The following CPLX3 variants were observed in gnomAD, a reference collection of about 807,000 sequenced individuals.
CPLX3 encodes the protein complexin-3.
Under a neutral mutation model 17.2 loss-of-function variants are expected in CPLX3, and 12 were observed. That is an observed-to-expected ratio of 0.70 (90% CI 0.45 to 1.13). The LOEUF is 1.13. Ranked by LOEUF, CPLX3 falls within the 50% of genes most tolerant of loss-of-function variation. The probability of loss-of-function intolerance (pLI) is 0.00; values close to 1 mark genes in which losing one functional copy is unlikely to be tolerated. For missense variants in CPLX3, 172 were observed against 203.2 expected, an observed-to-expected ratio of 0.85 and a Z score of 0.93; for synonymous variants, 75 against 79.4, an observed-to-expected ratio of 0.94 and a Z score of 0.29.
intron 2 of CPLX3, 117 bp from the exon 3 acceptor site, chr15:74,830,013 A>G: frequency 1.4e-6 from 1 of 725,080 alleles, no homozygotes; most frequent in Non-Finnish European, 2.3e-6. Context: ...AAAAAAAAAA[A>G]GAAAAAATAG....
chr15:74,826,681 CGGT>C lies in CPLX3; in HGVS notation c.-21_-19del, dbSNP rs1567226556. The C allele has an allele frequency of 1.9e-6, 3 of 1,596,400 alleles. No individual in the cohort carries two copies. On this transcript the variant is annotated 5_prime_UTR_variant, in exon 1 of 3. Coordinates refer to ENST00000395018, the MANE Select transcript of CPLX3 (RefSeq NM_001030005.3). The surrounding 1 kb of genome is among the most constrained non-coding windows in gnomAD (Gnocchi z 5.0). ...TGCCTGGCGCGTGGTAGCAGGCGCC[CGGT>C]GCCCCGGCCGGCGAAGACCATGGCG...
intron 1 of CPLX3, among the ~76,000 whole-genome samples, chr15:74,827,701 C>T (rs2063949970): frequency 6.6e-6 from 1 of 152,170 alleles, no homozygotes; most frequent in Admixed American, 6.5e-5. Flanking sequence ...CCAAGTTTGG[C>T]CTGAATACTT....
intron 2 of CPLX3, 49 bp from the exon 3 acceptor site, chr15:74,830,081 C>T (rs1254293713): frequency 1.2e-5 from 18 of 1,474,500 alleles, no homozygotes; most frequent in Non-Finnish European, 1.6e-5. Context: ...ACTCTGGGTC[C>T]TCACAGACTT....
At position 74,828,027 on chromosome 15, in the gene CPLX3, C is replaced by T; in HGVS notation, c.165-7C>T. On this transcript the variant is annotated splice_region_variant and splice_polypyrimidine_tract_variant and intron_variant, in intron 1 of 2. Transcript: ENST00000395018. ...TCGTGGTGACTCTGCCTCCGGTGAC[C>T]CTGCAGGATGGAGCGGGATGCACAG... 3.1e-6 allele frequency: 5 copies of T among 1,601,288 alleles called. No individual in the cohort carries two copies. Among genetic ancestry groups the T allele is most frequent in the Non-Finnish European group, 4.3e-6 (5 of 1,173,426 alleles).
At chr15:74,829,937 A>G (rs1260998692) in intron 2 of CPLX3, among the ~76,000 whole-genome samples, 193 bp from the exon 3 acceptor site, 2 of 151,438 alleles carry the variant, frequency 1.3e-5, no homozygotes, top group Non-Finnish European at 2.9e-5. Flanking sequence ...CAAGGTGGGC[A>G]TATCACTTGA....
chr15:74,826,975 C>T lies in CPLX3; in HGVS notation c.164+108C>T. The stretch of plus-strand genomic sequence containing the variant: ...GTCCCAATCCCTTCTCCCCTACTTT[C>T]CTAGACACGGTAAGAGACCGGGAGG... On this transcript the variant is annotated intron_variant, in intron 1 of 2. Coordinates refer to ENST00000395018, the MANE Select transcript of CPLX3 (RefSeq NM_001030005.3). The surrounding 1 kb of genome is among the most constrained non-coding windows in gnomAD (Gnocchi z 5.0). The T allele has an allele frequency of 9.7e-7, 1 of 1,026,938 alleles. No individual in the cohort carries two copies. 63.6% of individuals were successfully genotyped at this position (1,026,938 alleles called of 1,614,324 possible). A position where few individuals can be genotyped will look rare whatever the true frequency, so the allele number is the denominator to read the frequency against.
intron 2 of CPLX3, among the ~76,000 whole-genome samples, chr15:74,829,399 A>G (rs918639917): frequency 6.6e-6 from 1 of 152,180 alleles, no homozygotes; most frequent in Non-Finnish European, 1.5e-5. Context: ...GTTTGAATCT[A>G]GCTCCCCAAC....
Position 74,830,619 on chromosome 15 carries a change from C to T in CPLX3, c.*265C>T. The T allele has an allele frequency of 2.3e-6, 1 of 444,174 alleles. No individual in the cohort carries two copies. The highest frequency in any genetic ancestry group is 2.6e-5 in the South Asian group (1 of 37,956). The allele number at this position is 444,174 out of a possible 1,614,324, so 27.5% of individuals were successfully genotyped here. ...CAAGATTGTAGGAATAGGCCCATCC[C>T]TCTCTGGCCATGGCCCCAAGTTCCT... On this transcript the variant is annotated 3_prime_UTR_variant, in exon 3 of 3. Transcript: ENST00000395018.
chr15:74,826,841 G>A lies in CPLX3; in HGVS notation c.138G>A (p.Glu46=). Residue 46 remains glutamate (E), a synonymous_variant, in exon 1 of 3, where the codon GAG becomes GAA. Coordinates refer to ENST00000395018, the MANE Select transcript of CPLX3 (RefSeq NM_001030005.3). The surrounding 1 kb of genome is among the most constrained non-coding windows in gnomAD (Gnocchi z 5.0). ...AQGMSREEYE[E]YQKQLVEEKM... Reference sequence around the variant, plus strand: ...GCATGAGCCGGGAGGAGTACGAGGAGTATCAGAAGCAACTCGTGGAAGAGA... The same window carrying A: ...GCATGAGCCGGGAGGAGTACGAGGAATATCAGAAGCAACTCGTGGAAGAGA... 6.2e-7 allele frequency: 1 copy of A among 1,604,086 alleles called. No individual in the cohort carries two copies. The highest frequency in any genetic ancestry group is 8.5e-7 in the Non-Finnish European group (1 of 1,175,224).
chr15:74,830,311 TG>T lies in CPLX3; in HGVS notation c.439del (p.Asp147IlefsTer26), dbSNP rs775564497. On this transcript the variant is annotated frameshift_variant, in exon 3 of 3. Transcript: ENST00000395018. LOFTEE classifies it high-confidence loss of function. ...GSLKDKAQAT[L>X]GDLKQSAEKC... Reference sequence around the variant, plus strand: ...CTCAAGGACAAGGCCCAGGCCACACTGGGGGATCTCAAGCAATCAGCTGAGA... The same window carrying T: ...CTCAAGGACAAGGCCCAGGCCACACTGGGGATCTCAAGCAATCAGCTGAGA... 6.2e-7 allele frequency: 1 copy of T among 1,613,774 alleles called. No individual in the cohort carries two copies. The highest frequency in any genetic ancestry group is 1.1e-5 in the South Asian group (1 of 91,050).
At chr15:74,829,392 T>A (rs1454961324) in intron 2 of CPLX3, among the ~76,000 whole-genome samples, 1 of 152,188 alleles carries the variant, frequency 6.6e-6, no homozygotes, top group Non-Finnish European at 1.5e-5. Flanking sequence ...GACATAGGTT[T>A]GAATCTAGCT....
chr15:74,826,937 G>A lies in CPLX3; in HGVS notation c.164+70G>A. 2.1e-6 allele frequency: 3 copies of A among 1,422,086 alleles called. No individual in the cohort carries two copies. The highest frequency in any genetic ancestry group is 1.3e-5 in the South Asian group (1 of 79,966). 88.1% of individuals were successfully genotyped at this position (1,422,086 alleles called of 1,614,324 possible). A position where few individuals can be genotyped will look rare whatever the true frequency, so the allele number is the denominator to read the frequency against. ...CCCCACAGCTGCTCAGTCCATCCCC[G>A]GGCCAGCCTCAGGTCCCAATCCCTT... On this transcript the variant is annotated intron_variant, in intron 1 of 2. Coordinates refer to ENST00000395018, the MANE Select transcript of CPLX3 (RefSeq NM_001030005.3). This position sits in a 1 kb window ranked among gnomAD's most constrained non-coding sequence, Gnocchi z 5.0.
In CPLX3 at chr15:74,830,137, C is replaced by T. The variant is rs138053302; in HGVS notation, c.260C>T (p.Thr87Ile). Residue 87 changes from threonine (T) to isoleucine (I), a missense_variant, in exon 3 of 3, where the codon ACA (threonine) becomes ATA (isoleucine). Coordinates refer to ENST00000395018, the MANE Select transcript of CPLX3 (RefSeq NM_001030005.3). ...RDKYRLPKNE[T>I]DESQIQMAGG... ...TTCCCCTCTTCCCTTCAGAACGAGA[C>T]AGATGAGAGCCAGATCCAGATGGCA... is the stretch of plus-strand genomic sequence containing the variant. 1.9e-6 allele frequency: 3 copies of T among 1,613,610 alleles called. No homozygotes were observed. The highest frequency in any genetic ancestry group is 2.7e-5 in the African/African-American group (2 of 74,856).
Position 74,826,962 on chromosome 15 carries a change from T to C in CPLX3, c.164+95T>C. 8.8e-7 allele frequency: 1 copy of C among 1,130,032 alleles called. No individual in the cohort carries two copies. The highest frequency in any genetic ancestry group is 1.6e-5 in the African/African-American group (1 of 61,346). The allele number at this position is 1,130,032 out of a possible 1,614,324, so 70.0% of individuals were successfully genotyped here. ...GGGCCAGCCTCAGGTCCCAATCCCTTCTCCCCTACTTTCCTAGACACGGTA... is the reference window on the plus strand; with the variant it reads ...GGGCCAGCCTCAGGTCCCAATCCCTCCTCCCCTACTTTCCTAGACACGGTA... On this transcript the variant is annotated intron_variant, in intron 1 of 2. Coordinates refer to ENST00000395018, the MANE Select transcript of CPLX3 (RefSeq NM_001030005.3). This position sits in a 1 kb window ranked among gnomAD's most constrained non-coding sequence, Gnocchi z 5.0.
chr15:74,829,981 G>A (rs2063960975), intron 2 of CPLX3, 149 bp from the exon 3 acceptor site: 2 of 627,044 alleles, frequency 3.2e-6, no homozygotes, highest in Middle Eastern at 4.4e-4. Context: ...GGGCAACATA[G>A]GGAGACCTCG....
intron 1 of CPLX3, 27 bp from the exon 2 acceptor site, chr15:74,828,007 G>GT: frequency 6.3e-7 from 1 of 1,575,926 alleles, no homozygotes; most frequent in Non-Finnish European, 8.6e-7. Flanking sequence ...AGCCCTCGTG[G>GT]TGACTCTGCC....
In CPLX3 at chr15:74,826,912, C is replaced by G. The variant is rs2063946052; in HGVS notation, c.164+45C>G. On this transcript the variant is annotated intron_variant, in intron 1 of 2. Transcript: ENST00000395018. This position sits in a 1 kb window ranked among gnomAD's most constrained non-coding sequence, Gnocchi z 5.0. ...GGCTCCAACGACCTCCCCTCCCCAC[C>G]CCCACAGCTGCTCAGTCCATCCCCG... The G allele has an allele frequency of 6.5e-7, 1 of 1,548,418 alleles. No individual in the cohort carries two copies. The highest frequency in any genetic ancestry group is 8.8e-7 in the Non-Finnish European group (1 of 1,137,584).
chr15:74,828,155 A>G, intron 2 of CPLX3, 34 bp downstream of exon 2: 4 of 1,533,358 alleles, frequency 2.6e-6, no homozygotes, highest in Middle Eastern at 3.4e-4. Flanking sequence ...CACATCTGGG[A>G]CCCTGAGCTC....
At chr15:74,828,158 C>T (rs1299570579) in intron 2 of CPLX3, 37 bp downstream of exon 2, 1 of 1,527,180 alleles carries the variant, frequency 6.5e-7, no homozygotes, top group Non-Finnish European at 8.9e-7. Flanking sequence ...ATCTGGGACC[C>T]TGAGCTCTGG....
Sources: gnomAD v4.1 joint callset for allele counts (sites outside exome capture counted in the v4.1 genomes callset) on GRCh38, gnomAD v4.1.1 for gene constraint, Gnocchi (gnomAD v3.1) non-coding constraint, MANE v1.5 for transcripts, NCBI Gene and HGNC (gene_info 2026-07-23, HGNC 2026-07-21) for gene names.